The following IMMP1L variants were observed in gnomAD, a reference collection of about 807,000 sequenced individuals.
IMMP1L encodes inner mitochondrial membrane peptidase subunit 1.
In IMMP1L, 24 loss-of-function variants were observed where a neutral mutation model predicts 21.8. The ratio of observed to expected loss-of-function variants is 1.10; its 90% CI spans 0.80 to 1.55. The LOEUF is 1.55. Among genes scored for constraint, IMMP1L ranks in the 40% most tolerant of loss-of-function variants. IMMP1L has a pLI of 0.00. For missense variants in IMMP1L, 195 were observed against 200.7 expected (o/e 0.97, Z 0.17); for synonymous variants, 46 against 62.8 (o/e 0.73, Z 1.26).
chr11:31,464,652 T>C (rs1954267422), intron 1 of IMMP1L, among the ~76,000 whole-genome samples: 1 of 152,118 alleles, frequency 6.6e-6, no homozygotes, highest in African/African-American at 2.4e-5. Flanking sequence ...TCAAACAGTG[T>C]GATATATAGC....
At chr11:31,456,233 A>G (rs928743580) in intron 4 of IMMP1L, 27 bp downstream of exon 4, 1 of 1,505,002 alleles carries the variant, frequency 6.6e-7, no homozygotes, top group African/African-American at 1.4e-5. Context: ...ATGACACCAA[A>G]AATAACATAA....
At chr11:31,458,040 G>A (rs1468736280) in intron 3 of IMMP1L, among the ~76,000 whole-genome samples, 2 of 152,158 alleles carry the variant, frequency 1.3e-5, no homozygotes, top group African/African-American at 4.8e-5. Context: ...TGGAGGAAGA[G>A]ACGTTTTTCC....
At chr11:31,454,202 T>A (rs1046553457) in intron 4 of IMMP1L, among the ~76,000 whole-genome samples, 3 of 152,124 alleles carry the variant, frequency 2.0e-5, no homozygotes, top group African/African-American at 4.8e-5. Context: ...TGGAACAAAA[T>A]GGCAATGTCA....
chr11:31,480,118 G>A (rs565492627), intron 1 of IMMP1L, among the ~76,000 whole-genome samples: 1 of 152,106 alleles, frequency 6.6e-6, no homozygotes, highest in East Asian at 1.9e-4. Flanking sequence ...CTCCCTCATT[G>A]AGCTCAAAAG....
At chr11:31,474,065 G>A (rs976080853) in intron 1 of IMMP1L, among the ~76,000 whole-genome samples, 5 of 152,106 alleles carry the variant, frequency 3.3e-5, no homozygotes, top group African/African-American at 9.7e-5. Flanking sequence ...AGATAGGGAA[G>A]GAGAAAACAA....
At chr11:31,454,931 T>C (rs751146309) in intron 4 of IMMP1L, among the ~76,000 whole-genome samples, 26 of 152,196 alleles carry the variant, frequency 1.7e-4, no homozygotes, top group South Asian at 4.1e-4. Flanking sequence ...GAAATGCTAA[T>C]AGTCATATGA....
At chr11:31,494,756 C>T (rs79754906) in intron 1 of IMMP1L, among the ~76,000 whole-genome samples, 6 of 152,218 alleles carry the variant, frequency 3.9e-5, no homozygotes, top group East Asian at 3.9e-4. Context: ...CGCCATTCTC[C>T]TGCCTAAGCC....
At chr11:31,485,493 T>C (rs1253586150) in intron 1 of IMMP1L, among the ~76,000 whole-genome samples, 2 of 151,824 alleles carry the variant, frequency 1.3e-5, no homozygotes, top group Non-Finnish European at 3.0e-5. Flanking sequence ...GTTATCTCAA[T>C]ATCCTGTAAA....
chr11:31,448,022 A>AG (rs1953593427), intron 4 of IMMP1L, among the ~76,000 whole-genome samples: 1 of 152,142 alleles, frequency 6.6e-6, no homozygotes. Context: ...AAAGACTGTT[A>AG]TAGCACCTGG....
intron 4 of IMMP1L, among the ~76,000 whole-genome samples, chr11:31,443,306 C>T (rs1056973421): frequency 6.6e-6 from 1 of 151,828 alleles, no homozygotes; most frequent in African/African-American, 2.4e-5. Context: ...AGTTGTTTAC[C>T]CTTCCTATAG....
intron 4 of IMMP1L, among the ~76,000 whole-genome samples, chr11:31,447,105 T>C (rs1046905591): frequency 6.6e-6 from 1 of 152,202 alleles, no homozygotes; most frequent in African/African-American, 2.4e-5. Flanking sequence ...TACCCTAACG[T>C]GTACTGGCCC....
rs990639742 is a variant in IMMP1L, at chr11:31,463,177, C to T, written c.100G>A (p.Val34Ile). 6.3e-7 allele frequency: 1 copy of T among 1,599,824 alleles called. No individual in the cohort carries two copies. Residue 34 changes from valine (V) to isoleucine (I), a missense_variant, in exon 2 of 6, where the codon GTC (valine) becomes ATC (isoleucine). Val to Ile is a conservative substitution (Grantham distance 29, BLOSUM62 3). Coordinates refer to ENST00000532287, the MANE Select transcript of IMMP1L (RefSeq NM_001304274.2). ...TCTTGAACATAAAAACTTACCATGA[C>T]AACACCACCAACGTATTCAAAAGCA... ...HCAFEYVGGV[V>I]MCSGPSMEPT...
At chr11:31,468,086 A>T (rs1285036086) in intron 1 of IMMP1L, among the ~76,000 whole-genome samples, 2 of 152,190 alleles carry the variant, frequency 1.3e-5, no homozygotes. Context: ...TTTCAATTAC[A>T]AGAAAATAGA....
chr11:31,463,755 A>G (rs1229825310), intron 1 of IMMP1L, among the ~76,000 whole-genome samples: 3 of 152,142 alleles, frequency 2.0e-5, no homozygotes, highest in African/African-American at 7.2e-5. Flanking sequence ...TATTTTACTA[A>G]CTTGTATAAT....
intron 4 of IMMP1L, chr11:31,448,839 A>T (rs1953635180): frequency 1.9e-5 from 10 of 529,428 alleles, no homozygotes; most frequent in Non-Finnish European, 2.4e-5. Context: ...CTCAAAGATT[A>T]TTCTTTAGTG....
At chr11:31,463,024 C>A (rs976093484) in intron 2 of IMMP1L, 148 bp downstream of exon 2, 37 of 614,656 alleles carry the variant, frequency 6.0e-5, no homozygotes, top group Non-Finnish European at 5.2e-5. Context: ...TCTTATTATT[C>A]CAATATTTAG....
intron 1 of IMMP1L, among the ~76,000 whole-genome samples, chr11:31,502,750 C>T (rs1482607074): frequency 1.3e-5 from 2 of 152,196 alleles, no homozygotes; most frequent in African/African-American, 4.8e-5. Context: ...TTATTTAATT[C>T]CTCATGTTGG....
intron 4 of IMMP1L, chr11:31,453,203 A>G: frequency 1.3e-6 from 1 of 795,240 alleles, no homozygotes; most frequent in Non-Finnish European, 1.8e-6. Flanking sequence ...GAATAAAATG[A>G]TCCCACATCA....
At chr11:31,508,101 C>A (rs1185658778) in intron 1 of IMMP1L, among the ~76,000 whole-genome samples, 1 of 152,054 alleles carries the variant, frequency 6.6e-6, no homozygotes, top group Non-Finnish European at 1.5e-5. Flanking sequence ...CAGCAAACCA[C>A]CACAGCACAC....
Sources: allele counts gnomAD v4.1 joint callset (sites outside exome capture counted in the v4.1 genomes callset), GRCh38; gene constraint gnomAD v4.1.1; transcripts MANE v1.5; gene names NCBI Gene and HGNC (gene_info 2026-07-23, HGNC 2026-07-21).